KCNIP3: variants seen among roughly 807,000 people sequenced by gnomAD.
KCNIP3 encodes the protein calsenilin.
In KCNIP3, 28 loss-of-function variants were observed where a neutral mutation model predicts 35.0. The observed-to-expected ratio is 0.80, with a 90% CI of 0.59 to 1.10. KCNIP3 has a LOEUF of 1.10. Ranked by LOEUF, KCNIP3 falls within the 50% of genes least tolerant of loss-of-function variation. KCNIP3 has a pLI of 0.00. For synonymous variants in KCNIP3, 134 were observed against 133.8 expected, an observed-to-expected ratio of 1.00 and a Z score of -0.01; for missense variants, 295 against 338.4, an observed-to-expected ratio of 0.87 and a Z score of 1.01.
In KCNIP3 at chr2:95,382,451, G is replaced by A. The variant is rs200368654; in HGVS notation, c.630G>A (p.Ala210=). The A allele has an allele frequency of 1.4e-5, 23 of 1,608,838 alleles. No individual in the cohort carries two copies. The Admixed American group carries it at 2.0e-4, about 14-fold the overall frequency. ...CCTACCCCATCCTGCGGGAGGACGC[G>A]CCGGCGGAGCACGTGGAGAGGTTCT... ...RHTYPILRED[A]PAEHVERFFE... Residue 210 remains alanine, a synonymous_variant, in exon 7 of 9, where the codon GCG becomes GCA. Coordinates refer to ENST00000295225, the MANE Select transcript of KCNIP3 (RefSeq NM_013434.5). The surrounding 1 kb of genome is among the most constrained non-coding windows in gnomAD (Gnocchi z 4.5).
intron 2 of KCNIP3, among the ~76,000 whole-genome samples, chr2:95,345,165 A>T (rs1359386751): frequency 1.3e-5 from 2 of 152,244 alleles, no homozygotes; most frequent in Non-Finnish European, 2.9e-5. Context: ...TGATACAGTG[A>T]AGCTGCACTG....
chr2:95,308,093 T>C (rs538781491), intron 1 of KCNIP3, among the ~76,000 whole-genome samples: 1 of 152,226 alleles, frequency 6.6e-6, no homozygotes, highest in South Asian at 2.1e-4. Context: ...TGTGTACTTG[T>C]GTGCATGTGT....
At chr2:95,361,086 A>T (rs151009271) in intron 2 of KCNIP3, among the ~76,000 whole-genome samples, 2 of 152,234 alleles carry the variant, frequency 1.3e-5, no homozygotes, top group African/African-American at 4.8e-5. Context: ...GTCTTCTACA[A>T]GTTAACATCT....
At chr2:95,327,883 C>T (rs1171429272) in intron 2 of KCNIP3, among the ~76,000 whole-genome samples, 1 of 152,232 alleles carries the variant, frequency 6.6e-6, no homozygotes, top group Admixed American at 6.5e-5. Context: ...TCCCACCTTG[C>T]AGGTCCCCTT....
intron 1 of KCNIP3, chr2:95,298,935 G>A (rs1296170894): frequency 6.6e-6 from 1 of 152,208 alleles, no homozygotes; most frequent in African/African-American, 2.4e-5. Context: ...GGAATTTCCA[G>A]AGTCAGGCTG....
At chr2:95,339,390 G>A (rs1263015595) in intron 2 of KCNIP3, among the ~76,000 whole-genome samples, 1 of 151,878 alleles carries the variant, frequency 6.6e-6, no homozygotes, top group Non-Finnish European at 1.5e-5. Flanking sequence ...GACCAGCCTG[G>A]CCAACACGGT....
In KCNIP3 at chr2:95,364,518, G is replaced by A. The variant is rs140584721; in HGVS notation, c.182-9778G>A. Among the ~76,000 whole-genome samples, 333 of 152,264 alleles carry A rather than the reference G, an allele frequency of 2.2e-3. 2 individuals are homozygous for A. The highest frequency in any genetic ancestry group is 7.7e-3 in the African/African-American group (318 of 41,536). Reference sequence around the variant, plus strand: ...CATGTTGAAATGAATCCCCAATGTTGGAGGTGGGGACTAGTGGGAAGTATT... The same window carrying A: ...CATGTTGAAATGAATCCCCAATGTTAGAGGTGGGGACTAGTGGGAAGTATT... On this transcript the variant is annotated intron_variant, in intron 2 of 8. Coordinates refer to ENST00000295225, the MANE Select transcript of KCNIP3 (RefSeq NM_013434.5).
At chr2:95,302,282 T>C (rs1175861104) in intron 1 of KCNIP3, among the ~76,000 whole-genome samples, 2 of 152,142 alleles carry the variant, frequency 1.3e-5, no homozygotes, top group Non-Finnish European at 2.9e-5. Context: ...GGGGTGAGAA[T>C]CGGGGGACCC....
At chr2:95,323,097 G>C (rs1055720355) in intron 2 of KCNIP3, among the ~76,000 whole-genome samples, 13 of 152,222 alleles carry the variant, frequency 8.5e-5, no homozygotes, top group African/African-American at 3.1e-4. Flanking sequence ...CATGTAGGAG[G>C]GGGGTGAACA....
At chr2:95,362,302 C>T (rs1413940816) in intron 2 of KCNIP3, among the ~76,000 whole-genome samples, 2 of 152,122 alleles carry the variant, frequency 1.3e-5, no homozygotes, top group Non-Finnish European at 2.9e-5. Context: ...GACAGGGTTT[C>T]TCCATGTTGG....
chr2:95,354,207 A>G (rs1397838154), intron 2 of KCNIP3, among the ~76,000 whole-genome samples: 1 of 152,158 alleles, frequency 6.6e-6, no homozygotes, highest in Non-Finnish European at 1.5e-5. Context: ...CACTGCCCTC[A>G]GATTTTCTGT....
chr2:95,340,299 G>A (rs544710791), intron 2 of KCNIP3, among the ~76,000 whole-genome samples: 2 of 152,246 alleles, frequency 1.3e-5, no homozygotes, highest in South Asian at 4.1e-4. Context: ...TGGTGCCATT[G>A]CACTCCAGCT....
chr2:95,332,256 G>A (rs1196569309), intron 2 of KCNIP3, among the ~76,000 whole-genome samples: 2 of 152,266 alleles, frequency 1.3e-5, no homozygotes, highest in Admixed American at 1.3e-4. Context: ...CTCTGGGGCA[G>A]ATGCGTACCA....
chr2:95,304,547 G>GCTGA (rs1678123658), intron 1 of KCNIP3, among the ~76,000 whole-genome samples: 2 of 152,208 alleles, frequency 1.3e-5, no homozygotes, highest in African/African-American at 4.8e-5. Flanking sequence ...CCAGGACGCA[G>GCTGA]CTGACTCAGA....
At chr2:95,338,465 A>G (rs1200321503) in intron 2 of KCNIP3, among the ~76,000 whole-genome samples, 1 of 152,168 alleles carries the variant, frequency 6.6e-6, no homozygotes, top group Non-Finnish European at 1.5e-5. Flanking sequence ...GGAGGGAGAA[A>G]TGGCAACAAG....
intron 2 of KCNIP3, among the ~76,000 whole-genome samples, chr2:95,324,076 CT>C (rs1465154527): frequency 2.0e-5 from 3 of 152,244 alleles, no homozygotes; most frequent in Non-Finnish European, 4.4e-5. Context: ...GGCTCCCCAC[CT>C]CCCCTCCGTG....
chr2:95,363,268 A>G (rs1679844571), intron 2 of KCNIP3, among the ~76,000 whole-genome samples: 1 of 152,158 alleles, frequency 6.6e-6, no homozygotes, highest in South Asian at 2.1e-4. Context: ...GGGGTCTCTA[A>G]TGCACCTGGA....
At chr2:95,322,614 G>C (rs539898607) in intron 2 of KCNIP3, among the ~76,000 whole-genome samples, 1 of 152,356 alleles carries the variant, frequency 6.6e-6, no homozygotes, top group Non-Finnish European at 1.5e-5. Context: ...GCTGGTGATA[G>C]TTGGACTGGT....
At chr2:95,351,185 GGC>G (rs1679511767) in intron 2 of KCNIP3, among the ~76,000 whole-genome samples, 1 of 152,240 alleles carries the variant, frequency 6.6e-6, no homozygotes, top group Admixed American at 6.5e-5. Flanking sequence ...CTACTGCCCT[GGC>G]CAGGGGTGGA....
Sources: allele counts gnomAD v4.1 joint callset (sites outside exome capture counted in the v4.1 genomes callset), GRCh38; gene constraint gnomAD v4.1.1; non-coding constraint Gnocchi (gnomAD v3.1); transcripts MANE v1.5; gene names NCBI Gene and HGNC (gene_info 2026-07-23, HGNC 2026-07-21).